RBBP6: variants seen among roughly 807,000 people sequenced by gnomAD.
The protein encoded by RBBP6 is E3 ubiquitin-protein ligase RBBP6.
Under a neutral mutation model 167.7 loss-of-function variants are expected in RBBP6, and 25 were observed. The observed-to-expected ratio is 0.15, with a 90% CI of 0.11 to 0.21. The LOEUF is 0.21. RBBP6 is among the 10% of genes least tolerant of loss of function. RBBP6 has a pLI of 1.00. For missense variants in RBBP6, 1,868 were observed against 2,134.2 expected, an observed-to-expected ratio of 0.88 and a Z score of 2.46; for synonymous variants, 789 against 735.8, an observed-to-expected ratio of 1.07 and a Z score of -1.17.
chr16:24,567,002 T>A, intron 14 of RBBP6, 141 bp from the exon 15 acceptor site: 1 of 845,846 alleles, frequency 1.2e-6, no homozygotes, highest in Non-Finnish European at 1.8e-6. Context: ...TAAATTGTAC[T>A]AATGTTGCTA....
rs1175876347 is a variant in RBBP6 at position 24,555,905 on chromosome 16, C to T, written c.522C>T (p.Cys174=). ...AACCTGGACATTATATTAAGAATTG[C>T]CCAACAAATGGGGTAAGTTCAAAGC... ...CGKPGHYIKN[C]PTNGDKNFES... Residue 174 remains cysteine, a synonymous_variant, in exon 6 of 18, where the codon TGC becomes TGT. Transcript: ENST00000319715. The T allele has an allele frequency of 2.5e-6, 4 of 1,594,742 alleles. No homozygotes were observed. The Admixed American group carries it at 6.7e-5, about 27-fold the overall frequency.
At position 24,540,759 on chromosome 16, in the gene RBBP6, G is replaced by C; in HGVS notation, c.133G>C (p.Asp45His). The change falls in exon 1 of 18, where the codon GAC (aspartate) becomes CAC (histidine). Residue 45 changes from aspartate (D) to histidine (H), a missense_variant. Asp to His is a moderately conservative substitution (Grantham distance 81). Transcript: ENST00000319715. ...GREKLKAADCDLQITNAQTKE... is the reference protein window; with the variant it reads ...GREKLKAADCHLQITNAQTKE... ...AGAGAAGCTGAAAGCTGCCGACTGC[G>C]ACCTGCAGATCACCAATGCGCAGAC... is the stretch of plus-strand genomic sequence containing the variant. 2 of 1,613,964 alleles carry C rather than the reference G, an allele frequency of 1.2e-6. No individual in the cohort carries two copies. The highest frequency in any genetic ancestry group is 1.7e-6 in the Non-Finnish European group (2 of 1,179,970).
In RBBP6 at chr16:24,572,130, C is replaced by T. The variant is rs35709935; in HGVS notation, c.5064C>T (p.Ser1688=). The T allele has an allele frequency of 3.6e-4, 582 of 1,614,034 alleles. No homozygotes were observed. In the African/African-American group the frequency reaches 7.2e-3, roughly 20 times the overall value. Residue 1688 remains serine, a synonymous_variant, in exon 18 of 18, where the codon AGC becomes AGT. Transcript: ENST00000319715. ...DTAAVVQVGI[S]RNQSHSSPSV... ...CAGCAGTTGTCCAGGTGGGCATAAGCAGGAATCAGAGCCACAGCAGCCCCA... is the reference window on the plus strand; with the variant it reads ...CAGCAGTTGTCCAGGTGGGCATAAGTAGGAATCAGAGCCACAGCAGCCCCA...
At chr16:24,556,085 C>T (rs1186857268) in intron 6 of RBBP6, among the ~76,000 whole-genome samples, 168 bp downstream of exon 6, 1 of 152,156 alleles carries the variant, frequency 6.6e-6, no homozygotes, top group Non-Finnish European at 1.5e-5. Context: ...TGGCACTTGG[C>T]TGAGTTTGGG....
intron 4 of RBBP6, 110 bp from the exon 5 acceptor site, chr16:24,555,505 A>G: frequency 2.4e-6 from 2 of 821,572 alleles, no homozygotes; most frequent in Non-Finnish European, 3.9e-6. Context: ...AGCTGTTTTT[A>G]TGCAAGATTA....
At chr16:24,557,160 G>A (rs758395931) in intron 7 of RBBP6, among the ~76,000 whole-genome samples, 15 of 151,868 alleles carry the variant, frequency 9.9e-5, no homozygotes, top group Admixed American at 9.2e-4. Flanking sequence ...CACCACGCCC[G>A]GCTAATTTTT....
chr16:24,551,616 AC>A (rs929681742), intron 3 of RBBP6, among the ~76,000 whole-genome samples: 1 of 151,812 alleles, frequency 6.6e-6, no homozygotes, highest in Non-Finnish European at 1.5e-5. Context: ...GCTTAAAAGC[AC>A]ACAAAAGCCC....
At chr16:24,561,315 TTC>T (rs999735476) in intron 8 of RBBP6, among the ~76,000 whole-genome samples, 2 of 151,826 alleles carry the variant, frequency 1.3e-5, no homozygotes, top group Non-Finnish European at 2.9e-5. Flanking sequence ...AGCCTTGAAC[TTC>T]TAGGCTCAAG....
In RBBP6 at chr16:24,571,935, A is replaced by G. The variant is rs766335936; in HGVS notation, c.4869A>G (p.Arg1623=). 2 of 1,614,070 alleles carry G rather than the reference A, an allele frequency of 1.2e-6. No individual in the cohort carries two copies. The highest frequency in any genetic ancestry group is 1.7e-6 in the Non-Finnish European group (2 of 1,179,986). The part of the protein sequence containing the change: ...KPKPQLSHSS[R]LSSDLTRETD... ...AACCCCAGTTAAGTCATTCCTCTAG[A>G]CTTTCCTCTGACTTAACTAGAGAAA... The change falls in exon 18 of 18, where the codon AGA becomes AGG. Residue 1623 remains arginine, a synonymous_variant. Transcript: ENST00000319715.
chr16:24,543,267 A>T (rs1898548918), intron 1 of RBBP6, among the ~76,000 whole-genome samples: 1 of 146,806 alleles, frequency 6.8e-6, no homozygotes, highest in Admixed American at 6.8e-5. Flanking sequence ...TTTTGGAATT[A>T]TGTGCATGTT....
At position 24,561,388 on chromosome 16, in the gene RBBP6, G is replaced by A. The variant is rs538892135; in HGVS notation, c.848-224G>A. On this transcript the variant is annotated intron_variant, in intron 8 of 17. Coordinates refer to ENST00000319715, the MANE Select transcript of RBBP6 (RefSeq NM_006910.5). ...TTACAGGCACATGCCAGCACACCCA[G>A]CTGTGACTTCTTTTTAGCGTAGCAT... 8.5e-5 allele frequency among the ~76,000 whole-genome samples: 13 copies of A among 152,252 alleles called. No individual in the cohort carries two copies. In the South Asian group the frequency reaches 2.7e-3, roughly 32 times the overall value.
In RBBP6 at chr16:24,555,621, A is replaced by G. The variant is rs1328424939; in HGVS notation, c.355A>G (p.Asn119Asp). 1 of 1,608,896 alleles carries G rather than the reference A, an allele frequency of 6.2e-7. No homozygotes were observed. The highest frequency in any genetic ancestry group is 1.7e-5 in the Admixed American group (1 of 58,814). ...ISLAQLTKTA[N>D]LAEANASEED... is the part of the protein sequence containing the mutation. ...ATAATTACCTGTTAAACAGACTGCC[A>G]ATCTGGCTGAAGCCAATGCTTCTGA... Residue 119 changes from asparagine (N) to aspartate (D), a missense_variant, in exon 5 of 18, where the codon AAT becomes GAT. Asn to Asp is a conservative substitution (Grantham distance 23). Transcript: ENST00000319715.
chr16:24,547,870 A>C (rs553163962), intron 2 of RBBP6, among the ~76,000 whole-genome samples: 1 of 152,352 alleles, frequency 6.6e-6, no homozygotes, highest in Admixed American at 6.5e-5. Context: ...AGATTTTTTG[A>C]TAGAAACTCT....
Position 24,571,297 on chromosome 16 carries a change from T to C in RBBP6, c.4231T>C (p.Leu1411=). The C allele has an allele frequency of 6.2e-7, 1 of 1,613,930 alleles. No homozygotes were observed. The highest frequency in any genetic ancestry group is 8.5e-7 in the Non-Finnish European group (1 of 1,179,982). Residue 1411 remains leucine, a synonymous_variant, in exon 18 of 18, where the codon TTG becomes CTG. Coordinates refer to ENST00000319715, the MANE Select transcript of RBBP6 (RefSeq NM_006910.5). ...AACCAAAGATCGAGATTATTCAGTG[T>C]TGGAAAAGGAGAACCCTGAAAAGAG... The part of the protein sequence containing the change: ...GKTKDRDYSV[L]EKENPEKRKN...
chr16:24,570,121 G>T lies in RBBP6; in HGVS notation c.3431G>T (p.Gly1144Val). The change falls in exon 17 of 18, where the codon GGA (glycine) becomes GTA (valine). Residue 1144 changes from glycine to valine, a missense_variant. Gly to Val is a moderately radical substitution (Grantham distance 109, BLOSUM62 -3). This residue lies in a region of RBBP6 where 673 missense variants were observed against 691.5 expected (regional missense o/e 0.97). Transcript: ENST00000319715. ...NEKNKPLDNK[G>V]EKRKRKTEEK... is the part of the protein sequence containing the mutation. ...AAAAACAAACCACTTGATAATAAGG[G>T]AGAAAAAAGAAAAAGAAAAACTGAA... 4.4e-6 allele frequency: 7 copies of T among 1,587,860 alleles called. No homozygotes were observed. Among genetic ancestry groups the T allele is most frequent in the Non-Finnish European group, 6.0e-6 (7 of 1,174,028 alleles).
chr16:24,557,155 C>T (rs1025497657), intron 7 of RBBP6, among the ~76,000 whole-genome samples: 5 of 152,096 alleles, frequency 3.3e-5, no homozygotes, highest in Middle Eastern at 3.4e-3. Context: ...CCCGCCACCA[C>T]GCCCGGCTAA....
chr16:24,549,099 TA>T, intron 3 of RBBP6, 118 bp downstream of exon 3: 1 of 1,520,442 alleles, frequency 6.6e-7, no homozygotes. Context: ...ATATTGTAAA[TA>T]AAATGTATTT....
In RBBP6 at chr16:24,567,909, G is replaced by A; in HGVS notation, c.2054+16G>A. The stretch of plus-strand genomic sequence containing the variant: ...CATTTTCCAGGTTAGTGTTTTGCAA[G>A]CCTTCACAACAGAATTACAAACGGG... On this transcript the variant is annotated intron_variant, in intron 16 of 17. Coordinates refer to ENST00000319715, the MANE Select transcript of RBBP6 (RefSeq NM_006910.5). 1 of 1,581,306 alleles carries A rather than the reference G, an allele frequency of 6.3e-7. No individual in the cohort carries two copies. The highest frequency in any genetic ancestry group is 8.7e-7 in the Non-Finnish European group (1 of 1,152,492).
At position 24,556,543 on chromosome 16, in the gene RBBP6, C is replaced by G. The variant is rs914529328; in HGVS notation, c.674+96C>G. 8.1e-6 allele frequency: 11 copies of G among 1,358,916 alleles called. No individual in the cohort carries two copies. In the African/African-American group the frequency reaches 1.6e-4, roughly 20 times the overall value. The allele number at this position is 1,358,916 out of a possible 1,614,324, so 84.2% of individuals were successfully genotyped here. ...GCTTGTAACTTTGCTACTTGGATTC[C>G]TTGAGAACTTTGTATACCAAAGCCA... is the stretch of plus-strand genomic sequence containing the variant. On this transcript the variant is annotated intron_variant, in intron 7 of 17. Coordinates refer to ENST00000319715, the MANE Select transcript of RBBP6 (RefSeq NM_006910.5).
Sources: allele counts gnomAD v4.1 joint callset (sites outside exome capture counted in the v4.1 genomes callset), GRCh38; gene constraint gnomAD v4.1.1; regional missense constraint gnomAD v4.1.1; transcripts MANE v1.5; gene names NCBI Gene and HGNC (gene_info 2026-07-23, HGNC 2026-07-21).